The following MYO9A variants were observed in gnomAD, a reference collection of about 807,000 sequenced individuals.
The protein encoded by MYO9A is myosin IXA, also known as unconventional myosin-IXa.
Under a neutral mutation model 293.3 loss-of-function variants are expected in MYO9A, and 103 were observed. The observed-to-expected ratio is 0.35, with a 90% CI of 0.30 to 0.41. The LOEUF (loss-of-function observed/expected upper bound fraction) is 0.41. MYO9A is among the 10% of genes least tolerant of loss of function. The pLI is 1.00. For missense variants in MYO9A, 2,685 were observed against 3,033.0 expected, an observed-to-expected ratio of 0.89 and a Z score of 2.69; for synonymous variants, 1,001 against 1,035.7, an observed-to-expected ratio of 0.97 and a Z score of 0.64.
At chr15:71,830,407 G>T in intron 39 of MYO9A, 96 bp from the exon 40 acceptor site, 2 of 1,156,442 alleles carry the variant, frequency 1.7e-6, no homozygotes, top group Non-Finnish European at 2.5e-6. Flanking sequence ...ATCACACCAG[G>T]TGAATGATAA....
At chr15:71,960,393 T>C (rs1003359910) in intron 13 of MYO9A, 10 of 306,858 alleles carry the variant, frequency 3.3e-5, no homozygotes, top group African/African-American at 1.9e-4. Context: ...TCTCTTGCCA[T>C]GTGACACATG....
intron 1 of MYO9A, among the ~76,000 whole-genome samples, chr15:72,048,269 C>T (rs1300582941): frequency 6.6e-6 from 1 of 151,598 alleles, no homozygotes; most frequent in Non-Finnish European, 1.5e-5. Flanking sequence ...CATGGTGGCA[C>T]GTCCCTGTAA....
chr15:71,868,452 C>T (rs1471808238), intron 32 of MYO9A, among the ~76,000 whole-genome samples: 1 of 152,162 alleles, frequency 6.6e-6, no homozygotes, highest in African/African-American at 2.4e-5. Context: ...TGTGGTTACA[C>T]TGGGCTCATC....
At position 71,878,239 on chromosome 15, in the gene MYO9A, C is replaced by A; in HGVS notation, c.5740-8G>T. ...GCTTTTCCCATCATCCATCTATAAG[C>A]AATAAGAAAAGAAATGTATGGTTTT... On this transcript the variant is annotated splice_region_variant and splice_polypyrimidine_tract_variant and intron_variant, in intron 30 of 41. Transcript: ENST00000356056. The A allele has an allele frequency of 6.6e-7, 1 of 1,508,462 alleles. No homozygotes were observed. The highest frequency in any genetic ancestry group is 8.8e-7 in the Non-Finnish European group (1 of 1,130,370). 93.4% of individuals were successfully genotyped at this position (1,508,462 alleles called of 1,614,324 possible). A position where few individuals can be genotyped will look rare whatever the true frequency, so the allele number is the denominator to read the frequency against.
chr15:72,037,579 T>G (rs2078093927), intron 2 of MYO9A, among the ~76,000 whole-genome samples: 1 of 152,090 alleles, frequency 6.6e-6, no homozygotes, highest in Non-Finnish European at 1.5e-5. Context: ...TTCAGGCATT[T>G]AAGGAAATCC....
chr15:71,970,553 T>C (rs977522768), intron 12 of MYO9A, among the ~76,000 whole-genome samples: 2 of 152,136 alleles, frequency 1.3e-5, no homozygotes, highest in African/African-American at 2.4e-5. Flanking sequence ...TACAGGTAAA[T>C]GGGAGAGAAA....
chr15:71,845,997 A>C (rs1391467969), intron 39 of MYO9A, among the ~76,000 whole-genome samples: 1 of 152,188 alleles, frequency 6.6e-6, no homozygotes, highest in Non-Finnish European at 1.5e-5. Context: ...ACAAATGGCG[A>C]TATTTGTTGT....
chr15:71,903,601 T>A (rs2057545829), intron 21 of MYO9A, among the ~76,000 whole-genome samples: 1 of 152,228 alleles, frequency 6.6e-6, no homozygotes, highest in Non-Finnish European at 1.5e-5. Context: ...TAGAATCTTT[T>A]CACTAGATAA....
intron 26 of MYO9A, 112 bp downstream of exon 26, chr15:71,893,567 C>A: frequency 1.3e-6 from 1 of 790,058 alleles, no homozygotes; most frequent in Non-Finnish European, 2.0e-6. Flanking sequence ...TCTCTAAAAA[C>A]ACTTGGGAGT....
intron 19 of MYO9A, among the ~76,000 whole-genome samples, chr15:71,907,390 G>A (rs2057695875): frequency 7.0e-6 from 1 of 142,102 alleles, no homozygotes; most frequent in African/African-American, 2.6e-5. Context: ...TGTGAATAGT[G>A]CCGCAATAAA....
chr15:72,048,113 A>AT (rs1428173809), intron 1 of MYO9A, among the ~76,000 whole-genome samples: 1 of 152,150 alleles, frequency 6.6e-6, no homozygotes, highest in Non-Finnish European at 1.5e-5. Flanking sequence ...AAACCCAGCC[A>AT]TATAGGCCAG....
intron 39 of MYO9A, among the ~76,000 whole-genome samples, chr15:71,838,825 TCA>T (rs754403290): frequency 6.6e-5 from 10 of 152,194 alleles, no homozygotes; most frequent in Non-Finnish European, 1.5e-4. Flanking sequence ...CTAACTATTC[TCA>T]GTTTGTACAG....
At chr15:72,068,312 T>C (rs1024164617) in intron 1 of MYO9A, among the ~76,000 whole-genome samples, 1 of 152,186 alleles carries the variant, frequency 6.6e-6, no homozygotes, top group Non-Finnish European at 1.5e-5. Flanking sequence ...AAAAGCTTTA[T>C]TGAGAATATA....
At chr15:72,051,433 T>C (rs2078560301) in intron 1 of MYO9A, among the ~76,000 whole-genome samples, 1 of 152,020 alleles carries the variant, frequency 6.6e-6, no homozygotes, top group African/African-American at 2.4e-5. Flanking sequence ...GGCATCACTG[T>C]GCTCTTGGGG....
intron 37 of MYO9A, 127 bp downstream of exon 37, chr15:71,851,126 G>A (rs12101831): frequency 9.7e-6 from 7 of 723,260 alleles, no homozygotes; most frequent in African/African-American, 1.8e-5. Flanking sequence ...ACCTGTTTGA[G>A]ACACTGACTT....
At chr15:71,922,287 T>C (rs565667477) in intron 18 of MYO9A, among the ~76,000 whole-genome samples, 81 of 152,324 alleles carry the variant, frequency 5.3e-4, no homozygotes, top group African/African-American at 1.9e-3. Flanking sequence ...CCTCTGGCAA[T>C]CTTTAATCTA....
chr15:71,830,392 T>C, intron 39 of MYO9A, 81 bp from the exon 40 acceptor site: 1 of 1,286,066 alleles, frequency 7.8e-7, no homozygotes, highest in African/African-American at 1.5e-5. Flanking sequence ...AACAAGTGTA[T>C]TTCCATCACA....
intron 1 of MYO9A, among the ~76,000 whole-genome samples, chr15:72,102,237 G>A (rs1456530782): frequency 2.7e-5 from 4 of 150,666 alleles, no homozygotes; most frequent in Non-Finnish European, 4.4e-5. Context: ...AGGGTTAAAC[G>A]GATTAAGGGC....
intron 1 of MYO9A, among the ~76,000 whole-genome samples, chr15:72,072,532 A>C (rs1386080388): frequency 6.6e-6 from 1 of 152,236 alleles, no homozygotes; most frequent in Non-Finnish European, 1.5e-5. Flanking sequence ...AGATTGAGTA[A>C]AGAAAATGTG....
Sources: allele counts gnomAD v4.1 joint callset (sites outside exome capture counted in the v4.1 genomes callset), GRCh38; gene constraint gnomAD v4.1.1; transcripts MANE v1.5; gene names NCBI Gene and HGNC (gene_info 2026-07-23, HGNC 2026-07-21).